The following CTTN variants were observed in gnomAD, a reference collection of about 807,000 sequenced individuals.
The protein encoded by CTTN is cortactin.
Under a neutral mutation model 84.0 loss-of-function variants are expected in CTTN, and 28 were observed. The ratio of observed to expected loss-of-function variants is 0.33; its 90% CI spans 0.25 to 0.46. The LOEUF is 0.46. Ranked by LOEUF, CTTN falls within the 20% of genes least tolerant of loss-of-function variation. The probability of loss-of-function intolerance (pLI) is 1.00; values close to 1 mark genes in which losing one functional copy is unlikely to be tolerated. For synonymous variants in CTTN, 301 were observed against 288.8 expected (o/e 1.04, Z -0.43); for missense variants, 641 against 723.8 (o/e 0.89, Z 1.31).
At chr11:70,413,288 G>A (rs1281620446) in intron 5 of CTTN, among the ~76,000 whole-genome samples, 1 of 152,222 alleles carries the variant, frequency 6.6e-6, no homozygotes, top group Non-Finnish European at 1.5e-5. Flanking sequence ...GTCCCGATGT[G>A]CCGTGGACTT....
intron 15 of CTTN, among the ~76,000 whole-genome samples, chr11:70,431,813 G>T (rs1189974380): frequency 6.6e-6 from 1 of 151,852 alleles, no homozygotes; most frequent in Non-Finnish European, 1.5e-5. Flanking sequence ...CCAGTGTTCC[G>T]TCCCCATCCC....
chr11:70,414,559 A>G lies in CTTN; in HGVS notation c.309A>G (p.Glu103=), dbSNP rs770750677. 4 of 1,614,022 alleles carry G rather than the reference A, an allele frequency of 2.5e-6. No homozygotes were observed. In the African/African-American group the frequency reaches 4.0e-5, roughly 16 times the overall value. Residue 103 remains glutamate, a synonymous_variant, in exon 6 of 18, where the codon GAA becomes GAG. Transcript: ENST00000301843. ...DRMDKSAVGH[E]YQSKLSKHCS... The stretch of plus-strand genomic sequence containing the variant: ...TGTTCCAGTCAGCTGTCGGCCACGA[A>G]TATCAGTCGAAACTTTCCAAGCACT...
intron 9 of CTTN, 114 bp from the exon 10 acceptor site, chr11:70,420,286 G>T: frequency 1.4e-6 from 1 of 735,556 alleles, no homozygotes; most frequent in African/African-American, 1.7e-5. Context: ...AGATCCGGAA[G>T]GGAAGAGTAG....
chr11:70,404,926 C>T (rs372270623), intron 1 of CTTN, among the ~76,000 whole-genome samples: 9 of 152,278 alleles, frequency 5.9e-5, no homozygotes, highest in South Asian at 4.2e-4. Flanking sequence ...CACTTGAACC[C>T]GGGAGGTGGA....
chr11:70,415,655 C>A lies in CTTN; in HGVS notation c.403-8C>A. 2.5e-6 allele frequency: 4 copies of A among 1,613,298 alleles called. No individual in the cohort carries two copies. The highest frequency in any genetic ancestry group is 1.1e-5 in the South Asian group (1 of 91,016). On this transcript the variant is annotated splice_polypyrimidine_tract_variant and splice_region_variant and intron_variant, in intron 6 of 17. Coordinates refer to ENST00000301843, the MANE Select transcript of CTTN (RefSeq NM_005231.4). ...CCCCACTTTTTCATGTGTTTTTGGTCGTCACAGTCTGCTGTAGGCTTTGAA... is the reference window on the plus strand; with the variant it reads ...CCCCACTTTTTCATGTGTTTTTGGTAGTCACAGTCTGCTGTAGGCTTTGAA...
intron 2 of CTTN, among the ~76,000 whole-genome samples, chr11:70,406,399 A>C (rs1343227412): frequency 6.6e-6 from 1 of 152,304 alleles, no homozygotes; most frequent in Admixed American, 6.5e-5. Context: ...TCCTCAGTTC[A>C]GACCCCTGGG....
chr11:70,402,419 C>T (rs2057997557), intron 1 of CTTN, among the ~76,000 whole-genome samples: 1 of 152,174 alleles, frequency 6.6e-6, no homozygotes, highest in Non-Finnish European at 1.5e-5. Context: ...TCACCACAGT[C>T]AATTTCAGAA....
chr11:70,420,571 G>A, intron 10 of CTTN, 61 bp downstream of exon 10: 1 of 1,256,300 alleles, frequency 8.0e-7, no homozygotes, highest in Non-Finnish European at 1.2e-6. Context: ...TCCTTGCGGG[G>A]TCAGTTGGTA....
intron 1 of CTTN, among the ~76,000 whole-genome samples, chr11:70,402,553 A>G (rs1340500370): frequency 6.6e-6 from 1 of 152,036 alleles, no homozygotes; most frequent in Non-Finnish European, 1.5e-5. Flanking sequence ...AGATTTGTGA[A>G]CTCCAGACAT....
rs567654926 is a variant in CTTN at position 70,400,099 on chromosome 11, G to A, written c.-98+1485G>A. ...GTGGGACTCAATAAAAAGTTGGGGAGGCAGGGTTGTTTTGATATTAGGTCC... is the reference window on the plus strand; with the variant it reads ...GTGGGACTCAATAAAAAGTTGGGGAAGCAGGGTTGTTTTGATATTAGGTCC... On this transcript the variant is annotated intron_variant, in intron 1 of 17. Transcript: ENST00000301843. Among the ~76,000 whole-genome samples, 7 of 152,354 alleles carry A rather than the reference G, an allele frequency of 4.6e-5. No individual in the cohort carries two copies. The East Asian group carries it at 1.2e-3, about 25-fold the overall frequency.
chr11:70,414,801 T>C, intron 6 of CTTN, 149 bp downstream of exon 6: 1 of 615,078 alleles, frequency 1.6e-6, no homozygotes, highest in Non-Finnish European at 2.9e-6. Context: ...CCCAGGATGC[T>C]CTGAGAGCCT....
In CTTN at chr11:70,436,523, A is replaced by C. The variant is rs6894; in HGVS notation, c.*1361A>C. On this transcript the variant is annotated 3_prime_UTR_variant, in exon 18 of 18. Coordinates refer to ENST00000301843, the MANE Select transcript of CTTN (RefSeq NM_005231.4). ...TATCTGAATTCCTGTAGCACACCTC[A>C]TAGGTATGATTTTTTTAAATTAAAG... 0.19 allele frequency: 158,989 copies of C among 832,288 alleles called. 16,569 individuals carry two copies. Among genetic ancestry groups the C allele is most frequent in the Admixed American group, 0.26 (11,080 of 41,922 alleles). 51.6% of individuals were successfully genotyped at this position (832,288 alleles called of 1,614,324 possible).
At chr11:70,426,606 A>T (rs1453724251) in intron 13 of CTTN, among the ~76,000 whole-genome samples, 3 of 150,108 alleles carry the variant, frequency 2.0e-5, no homozygotes, top group African/African-American at 7.4e-5. Flanking sequence ...TTTTTGAGAC[A>T]GAGTATCACT....
Position 70,435,298 on chromosome 11 carries a change from T to G in CTTN, c.*136T>G. On this transcript the variant is annotated 3_prime_UTR_variant, in exon 18 of 18. Coordinates refer to ENST00000301843, the MANE Select transcript of CTTN (RefSeq NM_005231.4). ...TTTTTTGAAGGTGGGGAGGGGAATA[T>G]ACACATTGCTTTTATATTTAATACT... 2.6e-6 allele frequency: 2 copies of G among 757,930 alleles called. No individual in the cohort carries two copies. The highest frequency in any genetic ancestry group is 3.9e-6 in the Non-Finnish European group (2 of 512,518). The allele number at this position is 757,930 out of a possible 1,614,324, so 47.0% of individuals were successfully genotyped here. A position where few individuals can be genotyped will look rare whatever the true frequency, so the allele number is the denominator to read the frequency against.
In CTTN at chr11:70,436,345, C is replaced by T. The variant is rs776107939; in HGVS notation, c.*1183C>T. On this transcript the variant is annotated 3_prime_UTR_variant, in exon 18 of 18. Transcript: ENST00000301843. ...CAGTCCCGTCGTGCAGTCAGGTGGG[C>T]GGTGTGTCTTTCCAGAAGGTCACGT... 5.6e-6 allele frequency: 9 copies of T among 1,598,154 alleles called. No homozygotes were observed. Among genetic ancestry groups the T allele is most frequent in the South Asian group, 1.1e-5 (1 of 91,072 alleles).
chr11:70,404,973 G>C (rs925330545), intron 1 of CTTN, among the ~76,000 whole-genome samples: 2 of 152,220 alleles, frequency 1.3e-5, no homozygotes, highest in Non-Finnish European at 2.9e-5. Flanking sequence ...TTGCACTCCA[G>C]CCTGTGCAAC....
Position 70,407,404 on chromosome 11 carries a change from G to A in CTTN, c.87+20G>A. 1.2e-6 allele frequency: 2 copies of A among 1,612,172 alleles called. No homozygotes were observed. Among genetic ancestry groups the A allele is most frequent in the South Asian group, 2.2e-5 (2 of 90,976 alleles). On this transcript the variant is annotated intron_variant, in intron 3 of 17. Coordinates refer to ENST00000301843, the MANE Select transcript of CTTN (RefSeq NM_005231.4). ...TTTGTGGTAGGAGCCGCCAGCCTTTGCTTTCCTCTTTCATGAAGTGGAAGT... is the reference window on the plus strand; with the variant it reads ...TTTGTGGTAGGAGCCGCCAGCCTTTACTTTCCTCTTTCATGAAGTGGAAGT...
chr11:70,403,377 C>T (rs374865998), intron 1 of CTTN, among the ~76,000 whole-genome samples: 1 of 151,732 alleles, frequency 6.6e-6, no homozygotes, highest in Admixed American at 6.6e-5. Flanking sequence ...TTCGTAGAGA[C>T]GGGGTTTCAC....
Position 70,415,736 on chromosome 11 carries a change from A to G in CTTN, c.457+19A>G, listed in dbSNP as rs770271608. ...CAGAAAGGTAAGACGCGAAAGGTGC[A>G]GAAAGAGCCCGCTCCGGGGGCCCCG... On this transcript the variant is annotated intron_variant, in intron 7 of 17. Transcript: ENST00000301843. 4 of 1,613,860 alleles carry G rather than the reference A, an allele frequency of 2.5e-6. No homozygotes were observed. Among genetic ancestry groups the G allele is most frequent in the South Asian group, 2.2e-5 (2 of 91,074 alleles).
Sources: allele counts gnomAD v4.1 joint callset (sites outside exome capture counted in the v4.1 genomes callset), GRCh38; gene constraint gnomAD v4.1.1; transcripts MANE v1.5; gene names NCBI Gene and HGNC (gene_info 2026-07-23, HGNC 2026-07-21).